The following ALMS1 variants were observed in gnomAD, a reference collection of about 807,000 sequenced individuals.
ALMS1 encodes the protein centrosome-associated protein ALMS1.
A neutral mutation model predicts 352.2 loss-of-function variants in ALMS1; 271 were observed. The ratio of observed to expected loss-of-function variants is 0.77; its 90% CI spans 0.70 to 0.85. ALMS1 has a LOEUF of 0.85. Among genes scored for constraint, ALMS1 ranks in the 40% least tolerant of loss-of-function variants. ALMS1 has a pLI of 0.00. For missense variants in ALMS1, 5,445 were observed against 4,870.7 expected (o/e 1.12, Z -3.51); for synonymous variants, 1,865 against 1,761.2 (o/e 1.06, Z -1.48).
In ALMS1 at chr2:73,573,230, A is replaced by C. The variant is rs201819880; in HGVS notation, c.11353A>C (p.Ile3785Leu). 3.1e-6 allele frequency: 5 copies of C among 1,613,526 alleles called. No homozygotes were observed. The highest frequency in any genetic ancestry group is 4.2e-6 in the Non-Finnish European group (5 of 1,179,568). Residue 3785 changes from isoleucine to leucine, a missense_variant, in exon 16 of 23, where the codon ATT becomes CTT. By Grantham distance (5) the Ile-to-Leu change is conservative. Coordinates refer to ENST00000613296, the MANE Select transcript of ALMS1 (RefSeq NM_001378454.1). ...CGAAAGGAGTAGCTCTGTTTCCACT[A>C]TTGACACTGCCCGGCTGATTCAAGC... The part of the protein sequence containing the change: ...LHERSSSVST[I>L]DTARLIQAFG...
chr2:73,558,095 C>T (rs1369754734), intron 14 of ALMS1, among the ~76,000 whole-genome samples: 1 of 152,170 alleles, frequency 6.6e-6, no homozygotes, highest in Non-Finnish European at 1.5e-5. Context: ...TATACCATTC[C>T]TTTTGCATTC....
chr2:73,459,290 T>C (rs1465120402), intron 9 of ALMS1: 1 of 152,182 alleles, frequency 6.6e-6, no homozygotes, highest in Non-Finnish European at 1.5e-5. Flanking sequence ...TCTCAATACT[T>C]GTAATGTTAA....
intron 9 of ALMS1, chr2:73,469,487 C>T (rs1467247933): frequency 1.3e-5 from 2 of 151,766 alleles, no homozygotes; most frequent in African/African-American, 2.4e-5. Flanking sequence ...TAATGTATAA[C>T]ATATAACTCT....
At chr2:73,501,383 G>A (rs912360012) in intron 10 of ALMS1, among the ~76,000 whole-genome samples, 2 of 151,654 alleles carry the variant, frequency 1.3e-5, no homozygotes, top group Admixed American at 6.6e-5. Flanking sequence ...AAGAAATGTT[G>A]CCTAATCAAG....
chr2:73,502,764 C>T (rs1383007229), intron 10 of ALMS1, among the ~76,000 whole-genome samples: 1 of 152,044 alleles, frequency 6.6e-6, no homozygotes, highest in African/African-American at 2.4e-5. Flanking sequence ...CTTGTTTAAT[C>T]AGCATTTGAA....
intron 22 of ALMS1, 68 bp from the exon 23 acceptor site, chr2:73,609,500 G>A (rs1239829244): frequency 1.4e-6 from 2 of 1,396,826 alleles, no homozygotes; most frequent in Non-Finnish European, 2.0e-6. Flanking sequence ...TGGATGCAGG[G>A]AGGAGAGGCA....
intron 7 of ALMS1, among the ~76,000 whole-genome samples, chr2:73,439,944 C>T (rs1328366093): frequency 6.6e-6 from 1 of 151,952 alleles, no homozygotes; most frequent in Non-Finnish European, 1.5e-5. Context: ...CTATGGGTTT[C>T]ATGAACATAC....
intron 22 of ALMS1, among the ~76,000 whole-genome samples, chr2:73,609,188 G>A (rs1675887866): frequency 6.6e-6 from 1 of 152,242 alleles, no homozygotes; most frequent in Admixed American, 6.5e-5. Flanking sequence ...TCACCAGACT[G>A]ATGTGGGATG....
intron 10 of ALMS1, among the ~76,000 whole-genome samples, chr2:73,510,882 G>C (rs1188365919): frequency 6.6e-6 from 1 of 152,198 alleles, no homozygotes; most frequent in African/African-American, 2.4e-5. Context: ...CCTGACTGGG[G>C]CTGCTGCCTT....
chr2:73,439,229 G>C (rs1671667768), intron 7 of ALMS1, among the ~76,000 whole-genome samples: 1 of 148,694 alleles, frequency 6.7e-6, no homozygotes, highest in African/African-American at 2.5e-5. Flanking sequence ...CAGTCCTTCT[G>C]CCTCACTCTC....
chr2:73,451,395 A>C lies in ALMS1; in HGVS notation c.4868A>C (p.Lys1623Thr). Residue 1623 changes from lysine (K) to threonine (T), a missense_variant, in exon 8 of 23, where the codon AAG becomes ACG. By Grantham distance (78) the Lys-to-Thr change is moderately conservative. Coordinates refer to ENST00000613296, the MANE Select transcript of ALMS1 (RefSeq NM_001378454.1). ...GPLGSSALGE[K>T]PITFYRQALL... ...TTAGGTTCCAGTGCACTTGGAGAGA[A>C]GCCCATTACTTTCTACCGGCAGGCT... is the stretch of plus-strand genomic sequence containing the variant. The C allele has an allele frequency of 2.5e-6, 4 of 1,613,974 alleles. No homozygotes were observed. The highest frequency in any genetic ancestry group is 3.4e-6 in the Non-Finnish European group (4 of 1,179,968).
chr2:73,567,225 C>T (rs1286911756), intron 15 of ALMS1, among the ~76,000 whole-genome samples: 1 of 152,326 alleles, frequency 6.6e-6, no homozygotes, highest in Admixed American at 6.5e-5. Context: ...AAACAGGCCC[C>T]CCATCCTAAG....
At chr2:73,425,964 G>T (rs1466894582) in intron 5 of ALMS1, among the ~76,000 whole-genome samples, 1 of 152,150 alleles carries the variant, frequency 6.6e-6, no homozygotes. Flanking sequence ...CTTACAACCA[G>T]GCTGTTGGTC....
rs1378076412 is a variant in ALMS1, at chr2:73,596,494, C to T, written c.11548-2907C>T. 5.6e-5 allele frequency among the ~76,000 whole-genome samples: 8 copies of T among 142,764 alleles called. No homozygotes were observed. The East Asian group carries it at 6.3e-4, about 11-fold the overall frequency. 93.7% of individuals were successfully genotyped at this position (142,764 alleles called of 152,430 possible). ...CTTTTTTTTTTTTTTTTTCTTAAGACGGAGTCTCACTCTGTCATCAAGGCG... is the reference window on the plus strand; with the variant it reads ...CTTTTTTTTTTTTTTTTTCTTAAGATGGAGTCTCACTCTGTCATCAAGGCG... On this transcript the variant is annotated intron_variant, in intron 16 of 22. Transcript: ENST00000613296.
intron 10 of ALMS1, among the ~76,000 whole-genome samples, chr2:73,511,424 T>C (rs908013939): frequency 2.0e-5 from 3 of 150,648 alleles, no homozygotes; most frequent in Non-Finnish European, 4.4e-5. Context: ...GGGGAGGGAG[T>C]TCCCCAACCC....
At chr2:73,589,769 G>T (rs1675386175) in intron 16 of ALMS1, among the ~76,000 whole-genome samples, 1 of 152,172 alleles carries the variant, frequency 6.6e-6, no homozygotes, top group Non-Finnish European at 1.5e-5. Context: ...CCAGGTTCCT[G>T]TCAGTTCCCC....
At chr2:73,500,848 A>G (rs1673203469) in intron 10 of ALMS1, among the ~76,000 whole-genome samples, 1 of 152,152 alleles carries the variant, frequency 6.6e-6, no homozygotes, top group Non-Finnish European at 1.5e-5. Context: ...CAGTCTTCCA[A>G]TAGCTGCTCC....
chr2:73,607,080 T>G (rs1054522394), intron 21 of ALMS1, among the ~76,000 whole-genome samples: 1 of 152,200 alleles, frequency 6.6e-6, no homozygotes, highest in Non-Finnish European at 1.5e-5. Context: ...ATATCACTTA[T>G]CATCCTTCCA....
chr2:73,569,807 A>G (rs1265564992), intron 15 of ALMS1, among the ~76,000 whole-genome samples: 1 of 152,242 alleles, frequency 6.6e-6, no homozygotes, highest in African/African-American at 2.4e-5. Flanking sequence ...TAGTATAGTT[A>G]TCAGGAAGAG....
Sources: gnomAD v4.1 joint callset for allele counts (sites outside exome capture counted in the v4.1 genomes callset) on GRCh38, gnomAD v4.1.1 for gene constraint, MANE v1.5 for transcripts, NCBI Gene and HGNC (gene_info 2026-07-23, HGNC 2026-07-21) for gene names.